The following OPTN variants were observed in gnomAD, a reference collection of about 807,000 sequenced individuals.
OPTN encodes the protein E3-14.7K-interacting protein.
Under a neutral mutation model 70.4 loss-of-function variants are expected in OPTN, and 54 were observed. The ratio of observed to expected loss-of-function variants is 0.77; its 90% CI spans 0.62 to 0.96. The LOEUF (loss-of-function observed/expected upper bound fraction) is 0.96. Ranked by LOEUF, OPTN falls within the 40% of genes least tolerant of loss-of-function variation. The probability of loss-of-function intolerance (pLI) is 0.00; values close to 1 mark genes in which losing one functional copy is unlikely to be tolerated. For missense variants in OPTN, 624 were observed against 673.2 expected (o/e 0.93, Z 0.81); for synonymous variants, 256 against 248.5 (o/e 1.03, Z -0.28).
chr10:13,127,183 T>C (rs1431124010), intron 11 of OPTN, among the ~76,000 whole-genome samples: 1 of 152,194 alleles, frequency 6.6e-6, no homozygotes, highest in East Asian at 1.9e-4. Context: ...GGTTTTGCCA[T>C]GTTGCCCAGA....
At position 13,133,579 on chromosome 10, in the gene OPTN, G is replaced by C. The variant is rs571566175; in HGVS notation, c.1610G>C (p.Arg537Thr). The C allele has an allele frequency of 6.2e-7, 1 of 1,613,856 alleles. No individual in the cohort carries two copies. The highest frequency in any genetic ancestry group is 8.5e-7 in the Non-Finnish European group (1 of 1,179,746). ...GACCAGCAGGCTTACCTTGTTCAAA[G>C]AGGTGAGTCCCGTGTGATCCTGGAT... ...DSDQQAYLVQ[R>T]GAEDRDWRQQ... The change falls in exon 14 of 15, where the codon AGA (arginine) becomes ACA (threonine). Residue 537 changes from arginine (R) to threonine (T), a missense_variant and splice_region_variant. Physicochemically the swap from Arg to Thr is moderately conservative, Grantham distance 71. Transcript: ENST00000378747.
At chr10:13,115,455 T>TAC (rs1415064022) in intron 5 of OPTN, among the ~76,000 whole-genome samples, 2 of 101,164 alleles carry the variant, frequency 2.0e-5, no homozygotes, top group East Asian at 5.7e-4. Context: ...ATATATTCTA[T>TAC]ATTATATAAT....
chr10:13,108,865 C>T (rs1222707504), intron 2 of OPTN: 10 of 469,404 alleles, frequency 2.1e-5, no homozygotes, highest in Non-Finnish European at 3.2e-5. Flanking sequence ...CCCTTTTATA[C>T]ACCCATACAC....
At chr10:13,112,200 T>C (rs1833023212) in intron 4 of OPTN, among the ~76,000 whole-genome samples, 1 of 148,370 alleles carries the variant, frequency 6.7e-6, no homozygotes, top group African/African-American at 2.5e-5. Context: ...CTTAAACTCC[T>C]GGGCTCAGGC....
chr10:13,112,393 G>T (rs765461358), intron 4 of OPTN, 60 bp from the exon 5 acceptor site: 26 of 1,519,838 alleles, frequency 1.7e-5, no homozygotes, highest in Non-Finnish European at 2.2e-5. Flanking sequence ...AAGGGCATGA[G>T]CCCATGGTGC....
At position 13,115,376 on chromosome 10, in the gene OPTN, A is replaced by G. The variant is rs1329700161; in HGVS notation, c.553-891A>G. ...TTGTATAATATATATACACTTATAT[A>G]TGTATCTGTTTTATAATAGATATAT... On this transcript the variant is annotated intron_variant, in intron 5 of 14. Coordinates refer to ENST00000378747, the MANE Select transcript of OPTN (RefSeq NM_001008212.2). 1.6e-4 allele frequency among the ~76,000 whole-genome samples: 17 copies of G among 106,564 alleles called. 1 individual carries two copies. In the Admixed American group the frequency reaches 1.6e-3, roughly 10 times the overall value. The allele number at this position is 106,564 out of a possible 152,430, so 69.9% of individuals were successfully genotyped here. A position where few individuals can be genotyped will look rare whatever the true frequency, so the allele number is the denominator to read the frequency against.
intron 5 of OPTN, among the ~76,000 whole-genome samples, chr10:13,114,112 G>A (rs1833069968): frequency 6.6e-6 from 1 of 151,852 alleles, no homozygotes; most frequent in African/African-American, 2.4e-5. Context: ...GTCCTTGGAA[G>A]AGAAAAATGT....
chr10:13,131,434 G>C (rs1004250325), intron 12 of OPTN: 1 of 153,540 alleles, frequency 6.5e-6, no homozygotes, highest in Admixed American at 6.5e-5. Context: ...GACATGGATT[G>C]AATATGGAAA....
At chr10:13,122,551 A>G (rs1002327101) in intron 8 of OPTN, 64 bp downstream of exon 8, 1 of 1,063,964 alleles carries the variant, frequency 9.4e-7, no homozygotes, top group African/African-American at 1.6e-5. Context: ...CAGCCACTGA[A>G]TTCAAATCTT....
At chr10:13,131,012 T>G (rs948021040) in intron 12 of OPTN, among the ~76,000 whole-genome samples, 2 of 152,186 alleles carry the variant, frequency 1.3e-5, no homozygotes, top group Non-Finnish European at 2.9e-5. Flanking sequence ...CTCTATTTCC[T>G]GGGCTCAGGT....
Position 13,122,409 on chromosome 10 carries a change from A to C in OPTN, c.804A>C (p.Thr268=). 7 of 1,613,754 alleles carry C rather than the reference A, an allele frequency of 4.3e-6. No homozygotes were observed. The highest frequency in any genetic ancestry group is 5.9e-6 in the Non-Finnish European group (7 of 1,179,618). ...GAGTTTCAGATTTTGAAAAGAAAAC[A>C]AGTAATCGTTCTGAGATTGAAACCC... ...KERVSDFEKK[T]SNRSEIETQT... Residue 268 remains threonine (T), a synonymous_variant, in exon 8 of 15, where the codon ACA becomes ACC. Transcript: ENST00000378747.
chr10:13,126,065 A>G (rs1394799126), intron 11 of OPTN, 26 bp downstream of exon 11: 2 of 1,333,838 alleles, frequency 1.5e-6, no homozygotes, highest in East Asian at 2.3e-5. Flanking sequence ...AATTACTTCC[A>G]TAGCCTAGTA....
chr10:13,101,135 C>A (rs963958267), intron 1 of OPTN, among the ~76,000 whole-genome samples: 1 of 152,040 alleles, frequency 6.6e-6, no homozygotes, highest in African/African-American at 2.4e-5. Context: ...AGTTTTGGGG[C>A]GGGGGCTGGA....
In OPTN at chr10:13,100,209, C is replaced by A; in HGVS notation, c.-257C>A. On this transcript the variant is annotated 5_prime_UTR_variant, in exon 1 of 15. Transcript: ENST00000378747. The stretch of plus-strand genomic sequence containing the variant: ...CACCGCCGCCGCCCGCCGGCAGGTT[C>A]CCTGGTCAGCGTCCCATCCCGGTCG... 1 of 154,586 alleles carries A rather than the reference C, an allele frequency of 6.5e-6. No homozygotes were observed. The highest frequency in any genetic ancestry group is 1.8e-4 in the South Asian group (1 of 5,474). The allele number at this position is 154,586 out of a possible 1,614,324, so 9.6% of individuals were successfully genotyped here.
intron 5 of OPTN, among the ~76,000 whole-genome samples, chr10:13,114,778 T>TTATATAATTATA (rs1833092214): frequency 7.0e-5 from 7 of 100,340 alleles, no homozygotes; most frequent in African/African-American, 2.9e-4. Flanking sequence ...AATTATATAA[T>TTATATAATTATA]TATATAATTA....
intron 13 of OPTN, among the ~76,000 whole-genome samples, chr10:13,132,972 C>G (rs571322019): frequency 6.6e-6 from 1 of 152,056 alleles, no homozygotes; most frequent in Non-Finnish European, 1.5e-5. Context: ...TCCTTTGTTC[C>G]CCATCCATCA....
chr10:13,131,980 T>G (rs2131527973), intron 12 of OPTN, 87 bp from the exon 13 acceptor site: 1 of 1,359,594 alleles, frequency 7.4e-7, no homozygotes. Context: ...TATTGAAGGA[T>G]ACAGCACTAC....
At chr10:13,128,725 T>G (rs187863514) in intron 12 of OPTN, among the ~76,000 whole-genome samples, 16 of 151,912 alleles carry the variant, frequency 1.1e-4, no homozygotes, top group Admixed American at 7.9e-4. Flanking sequence ...GTATTTTTAG[T>G]AGAGATGGGG....
In OPTN at chr10:13,111,844, GTTTTTTTTTTTT is replaced by G. The variant is rs34942122; in HGVS notation, c.370-599_370-588del. On this transcript the variant is annotated intron_variant, in intron 4 of 14. Coordinates refer to ENST00000378747, the MANE Select transcript of OPTN (RefSeq NM_001008212.2). ...TTTGATTTGTATTTGTTTTTTGACT[GTTTTTTTTTTTT>G]TTTTTTTTTGAGATGGAGTCTTGCT... Among the ~76,000 whole-genome samples, 567 of 87,744 alleles carry G rather than the reference GTTTTTTTTTTTT, an allele frequency of 6.5e-3. 1 individual carries two copies. The highest frequency in any genetic ancestry group is 0.025 in the African/African-American group (548 of 22,158). The allele number at this position is 87,744 out of a possible 152,430, so 57.6% of individuals were successfully genotyped here. A position where few individuals can be genotyped will look rare whatever the true frequency, so the allele number is the denominator to read the frequency against.
Sources: allele counts gnomAD v4.1 joint callset (sites outside exome capture counted in the v4.1 genomes callset), GRCh38; gene constraint gnomAD v4.1.1; transcripts MANE v1.5; gene names NCBI Gene and HGNC (gene_info 2026-07-23, HGNC 2026-07-21).